GSDMD: variants seen among roughly 807,000 people sequenced by gnomAD.
The protein encoded by GSDMD is gasdermin D.
A neutral mutation model predicts 46.7 loss-of-function variants in GSDMD; 46 were observed. The observed-to-expected ratio is 0.99, with a 90% CI of 0.78 to 1.26. GSDMD has a LOEUF of 1.26. Ranked by LOEUF, GSDMD falls within the 50% of genes most tolerant of loss-of-function variation. The pLI is 0.00. For missense variants in GSDMD, 649 were observed against 638.8 expected (o/e 1.02, Z -0.17); for synonymous variants, 307 against 283.1 (o/e 1.08, Z -0.85).
intron 1 of GSDMD, 151 bp downstream of exon 1, chr8:143,558,602 G>C (rs964983566): frequency 6.3e-6 from 5 of 797,974 alleles, no homozygotes; most frequent in African/African-American, 1.9e-5. Context: ...TCCAGGCTTC[G>C]GGAAAGGCTG....
upstream of GSDMD, among the ~76,000 whole-genome samples, chr8:143,556,563 C>T (rs1041426621): frequency 6.6e-6 from 1 of 152,186 alleles, no homozygotes; most frequent in African/African-American, 2.4e-5. Flanking sequence ...AAACAAACAA[C>T]AAAAAATACA....
At chr8:143,558,927 T>A in intron 1 of GSDMD, 1 of 538,074 alleles carries the variant, frequency 1.9e-6, no homozygotes, top group Non-Finnish European at 3.6e-6. Context: ...GGGGCGACAC[T>A]CTGGCTGGGT....
At chr8:143,560,113 G>A in intron 3 of GSDMD, 144 bp downstream of exon 3, 1 of 800,776 alleles carries the variant, frequency 1.2e-6, no homozygotes, top group Non-Finnish European at 2.1e-6. Context: ...GCCTCAAGCA[G>A]TCCTCCTGCC....
intron 7 of GSDMD, 53 bp from the exon 8 acceptor site, chr8:143,561,906 C>T (rs1287648198): frequency 2.5e-6 from 4 of 1,606,582 alleles, no homozygotes; most frequent in Admixed American, 1.7e-5. Flanking sequence ...CTGACCGAGG[C>T]TTTCCAGGGC....
At position 143,560,380 on chromosome 8, in the gene GSDMD, G is replaced by C. The variant is rs538369068; in HGVS notation, c.411-223G>C. The C allele has an allele frequency of 6.3e-6, 4 of 639,848 alleles. No homozygotes were observed. In the African/African-American group the frequency reaches 7.2e-5, roughly 12 times the overall value. The allele number at this position is 639,848 out of a possible 1,614,324, so 39.6% of individuals were successfully genotyped here. A position where few individuals can be genotyped will look rare whatever the true frequency, so the allele number is the denominator to read the frequency against. ...GGTGTGAACACGGGGGCCCAGGTGAGGGGGCCGCACCTCGAGTCTGGACTT... is the reference window on the plus strand; with the variant it reads ...GGTGTGAACACGGGGGCCCAGGTGACGGGGCCGCACCTCGAGTCTGGACTT... On this transcript the variant is annotated intron_variant, in intron 3 of 10. Coordinates refer to ENST00000262580, the MANE Select transcript of GSDMD (RefSeq NM_024736.7).
In GSDMD at chr8:143,560,962, G is replaced by A. The variant is rs373397585; in HGVS notation, c.580-40G>A. On this transcript the variant is annotated intron_variant, in intron 4 of 10. Transcript: ENST00000262580. ...GGCCCGCACCCGCACCCCACGGCCC[G>A]GTGCCAGGGCCCAGCCCCGAGCCCA... The A allele has an allele frequency of 9.7e-5, 153 of 1,573,512 alleles. 1 individual carries two copies. The highest frequency in any genetic ancestry group is 7.0e-5 in the East Asian group (3 of 42,636).
In GSDMD at chr8:143,560,707, TCA is replaced by T; in HGVS notation, c.517_518del (p.Thr173AlafsTer22). ...CTGCAGACACAGAAGGAGGTGGAAGTCACGCGCACCCACAAGCGGGAGGGCTC... is the reference window on the plus strand; with the variant it reads ...CTGCAGACACAGAAGGAGGTGGAAGTCGCGCACCCACAAGCGGGAGGGCTC... On this transcript the variant is annotated frameshift_variant, in exon 4 of 11. Coordinates refer to ENST00000262580, the MANE Select transcript of GSDMD (RefSeq NM_024736.7). LOFTEE classifies it high-confidence loss of function. 1.9e-6 allele frequency: 3 copies of T among 1,580,110 alleles called. No individual in the cohort carries two copies. Among genetic ancestry groups the T allele is most frequent in the Middle Eastern group, 1.7e-4 (1 of 5,996 alleles).
At chr8:143,557,732 G>A (rs1361369596), upstream of GSDMD, among the ~76,000 whole-genome samples, 1 of 152,204 alleles carries the variant, frequency 6.6e-6, no homozygotes, top group Non-Finnish European at 1.5e-5. Flanking sequence ...TTAGTAATAC[G>A]ACCATCTTTG....
In GSDMD at chr8:143,560,762, G is replaced by T. The variant is rs62000422; in HGVS notation, c.570G>T (p.Thr190=). 6.5e-7 allele frequency: 1 copy of T among 1,544,040 alleles called. No individual in the cohort carries two copies. The highest frequency in any genetic ancestry group is 2.0e-5 in the Admixed American group (1 of 50,246). ...GSGRFSLPGA[T]CLQGEGQGHL... ...GCCGGTTTTCCCTGCCCGGAGCCAC[G>T]TGCTTGCAGGTGTGTAGCCAGCCCC... The change falls in exon 4 of 11, where the codon ACG becomes ACT. Residue 190 remains threonine, a synonymous_variant. Coordinates refer to ENST00000262580, the MANE Select transcript of GSDMD (RefSeq NM_024736.7).
In GSDMD at chr8:143,562,284, T is replaced by G. The variant is rs763582690; in HGVS notation, c.1072T>G (p.Leu358Val). Reference sequence around the variant, plus strand: ...AGGTGCTGTCCTGGAGTGCCTGGTGTTGTCCTCCGGAATGCTGGTGCCGGA... The same window carrying G: ...AGGTGCTGTCCTGGAGTGCCTGGTGGTGTCCTCCGGAATGCTGGTGCCGGA... ...PAGAVLECLVLSSGMLVPELA... is the reference protein window; with the variant it reads ...PAGAVLECLVVSSGMLVPELA... Residue 358 changes from leucine to valine, a missense_variant, in exon 9 of 11, where the codon TTG becomes GTG. Coordinates refer to ENST00000262580, the MANE Select transcript of GSDMD (RefSeq NM_024736.7). 153 of 1,556,606 alleles carry G rather than the reference T, an allele frequency of 9.8e-5. No individual in the cohort carries two copies. The highest frequency in any genetic ancestry group is 6.4e-4 in the Admixed American group (33 of 51,698).
chr8:143,554,621 G>T (rs974369825), upstream of GSDMD, among the ~76,000 whole-genome samples: 3 of 146,978 alleles, frequency 2.0e-5, no homozygotes, highest in Admixed American at 2.0e-4. Flanking sequence ...CAACACTCAG[G>T]TGCATAAACG....
upstream of GSDMD, among the ~76,000 whole-genome samples, chr8:143,557,090 C>T (rs541898568): frequency 2.6e-5 from 4 of 152,386 alleles, no homozygotes; most frequent in African/African-American, 7.2e-5. Flanking sequence ...AGCAGGATCA[C>T]GCCGTCCGCT....
intron 4 of GSDMD, 36 bp from the exon 5 acceptor site, chr8:143,560,966 C>T: frequency 6.3e-7 from 1 of 1,590,098 alleles, no homozygotes. Flanking sequence ...CGGCCCGGTG[C>T]CAGGGCCCAG....
upstream of GSDMD, chr8:143,553,721 C>T (rs1459072836): frequency 1.4e-5 from 2 of 146,918 alleles, no homozygotes; most frequent in African/African-American, 4.9e-5. Flanking sequence ...TGAGTGTGGA[C>T]AGAGCACCTG....
In GSDMD at chr8:143,559,985, G is replaced by A. The variant is rs773436855; in HGVS notation, c.410+16G>A. 1 of 1,570,154 alleles carries A rather than the reference G, an allele frequency of 6.4e-7. No homozygotes were observed. The highest frequency in any genetic ancestry group is 8.6e-7 in the Non-Finnish European group (1 of 1,167,782). On this transcript the variant is annotated intron_variant, in intron 3 of 10. Coordinates refer to ENST00000262580, the MANE Select transcript of GSDMD (RefSeq NM_024736.7). ...TCCATGAGAGGTGGGCCCGAAGAGG[G>A]CAGGGCAGGGCAGGGCCCCACCTAC...
At chr8:143,561,278 A>G (rs1415367471) in intron 5 of GSDMD, 92 bp from the exon 6 acceptor site, 1 of 1,319,524 alleles carries the variant, frequency 7.6e-7, no homozygotes, top group Middle Eastern at 2.0e-4. Flanking sequence ...GCAGGGCCTG[A>G]GCTGGACAGG....
chr8:143,558,712 G>A, intron 1 of GSDMD: 2 of 584,470 alleles, frequency 3.4e-6, no homozygotes, highest in Non-Finnish European at 3.1e-6. Flanking sequence ...CCCGCCCCCA[G>A]CTGCCTTCTG....
At chr8:143,560,886 G>C in intron 4 of GSDMD, 115 bp downstream of exon 4, 1 of 1,431,176 alleles carries the variant, frequency 7.0e-7, no homozygotes, top group African/African-American at 1.4e-5. Context: ...CCAGCCCTGC[G>C]CTTGGCTGCG....
chr8:143,563,023 G>A lies in GSDMD; in HGVS notation c.*119G>A, dbSNP rs766289604. The A allele has an allele frequency of 7.4e-7, 1 of 1,359,956 alleles. No homozygotes were observed. The highest frequency in any genetic ancestry group is 1.4e-5 in the African/African-American group (1 of 69,024). The allele number at this position is 1,359,956 out of a possible 1,614,324, so 84.2% of individuals were successfully genotyped here. A position where few individuals can be genotyped will look rare whatever the true frequency, so the allele number is the denominator to read the frequency against. ...TGTGGCCAGTCTACCATGGGGCCCA[G>A]GAGTTGGGGAAACACAATAAAGGTG... On this transcript the variant is annotated 3_prime_UTR_variant, in exon 11 of 11. Transcript: ENST00000262580.
Sources: allele counts gnomAD v4.1 joint callset (sites outside exome capture counted in the v4.1 genomes callset), GRCh38; gene constraint gnomAD v4.1.1; transcripts MANE v1.5; gene names NCBI Gene and HGNC (gene_info 2026-07-23, HGNC 2026-07-21).